The following GOLGA8A variants were observed in gnomAD, a reference collection of about 807,000 sequenced individuals.
GOLGA8A encodes the protein golgin A8 family member A.
A neutral mutation model predicts 22.1 loss-of-function variants in GOLGA8A; 3 were observed. The ratio of observed to expected loss-of-function variants is 0.14; its 90% CI spans 0.06 to 0.35. GOLGA8A has a LOEUF of 0.35. Ranked by LOEUF, GOLGA8A falls within the 10% of genes least tolerant of loss-of-function variation. GOLGA8A has a pLI of 1.00. For missense variants in GOLGA8A, 16 were observed against 233.2 expected (o/e 0.07, Z 6.07); for synonymous variants, 7 against 91.7 (o/e 0.08, Z 5.28).
At chr15:34,418,015 G>A (rs1468256974) in intron 2 of GOLGA8A, 3 of 135,230 alleles carry the variant, frequency 2.2e-5, no homozygotes, top group Non-Finnish European at 4.7e-5. Context: ...AGAAACCCTG[G>A]TTTAAATAAA....
chr15:34,380,712 C>T lies in GOLGA8A; in HGVS notation c.*699G>A, dbSNP rs572093224. ...ACAGTACACTGCTCATTCTTGGCAC[C>T]GGAACAGATGAAACACACTGTATCC... On this transcript the variant is annotated 3_prime_UTR_variant, in exon 25 of 25. Coordinates refer to ENST00000359187, the MANE Select transcript of GOLGA8A (RefSeq NM_181077.5). 13 of 161,000 alleles carry T rather than the reference C, an allele frequency of 8.1e-5. No individual in the cohort carries two copies. In the East Asian group the frequency reaches 1.7e-3, roughly 21 times the overall value. The allele number at this position is 161,000 out of a possible 1,614,324, so 10.0% of individuals were successfully genotyped here. A position where few individuals can be genotyped will look rare whatever the true frequency, so the allele number is the denominator to read the frequency against.
intron 2 of GOLGA8A, among the ~76,000 whole-genome samples, chr15:34,432,562 G>C (rs897057867): frequency 6.7e-6 from 1 of 149,232 alleles, no homozygotes; most frequent in Non-Finnish European, 1.5e-5. Flanking sequence ...GATAAACAAA[G>C]AGGGATGGAA....
chr15:34,428,713 G>C (rs1306095740), intron 2 of GOLGA8A: 3 of 147,456 alleles, frequency 2.0e-5, no homozygotes, highest in African/African-American at 7.5e-5. Context: ...ACCTGAAAGG[G>C]GAAGAGGGCC....
In GOLGA8A at chr15:34,380,144, TTTG is replaced by T. The variant is rs1376371080; in HGVS notation, c.*1264_*1266del. 4 of 152,336 alleles carry T rather than the reference TTTG, an allele frequency of 2.6e-5. No individual in the cohort carries two copies. Among genetic ancestry groups the T allele is most frequent in the African/African-American group, 9.6e-5 (4 of 41,466 alleles). The allele number at this position is 152,336 out of a possible 1,614,324, so 9.4% of individuals were successfully genotyped here. On this transcript the variant is annotated 3_prime_UTR_variant, in exon 25 of 25. Coordinates refer to ENST00000359187, the MANE Select transcript of GOLGA8A (RefSeq NM_181077.5). ...TCACATATATTAGTTTATAATAATG[TTTG>T]TTATTACTTTCTAAAGTGTTTTCCA...
chr15:34,422,813 TTCCTGC>T lies in GOLGA8A; in HGVS notation c.-1123+12564_-1123+12569del, dbSNP rs1170807975. Among the ~76,000 whole-genome samples, 3 of 111,780 alleles carry T rather than the reference TTCCTGC, an allele frequency of 2.7e-5. 1 individual carries two copies. The highest frequency in any genetic ancestry group is 8.1e-5 in the African/African-American group (3 of 36,980). 73.3% of individuals were successfully genotyped at this position (111,780 alleles called of 152,430 possible). A position where few individuals can be genotyped will look rare whatever the true frequency, so the allele number is the denominator to read the frequency against. On this transcript the variant is annotated intron_variant, in intron 2 of 24. Transcript: ENST00000359187. ...GGAGCCAGCTCTGTCCACAGTGCTC[TTCCTGC>T]TCCTGCTCCTGGCCAACCCTCCAAC...
At chr15:34,429,263 G>C (rs900374366) in intron 2 of GOLGA8A, among the ~76,000 whole-genome samples, 4 of 146,602 alleles carry the variant, frequency 2.7e-5, no homozygotes, top group African/African-American at 1.0e-4. Context: ...TGTTGTTATT[G>C]GCCCACCTAC....
intron 2 of GOLGA8A, among the ~76,000 whole-genome samples, chr15:34,431,312 CATATATATATATATATATATATATATATA>C (rs780759416): frequency 0.3 from 13,836 of 45,752 alleles, 1,793 homozygotes; most frequent in East Asian, 0.56. Context: ...TATATATATA[CATATATATATATATATATATATATATATA>C]TATATCTCAC....
At chr15:34,434,808 C>T (rs1377219900) in intron 2 of GOLGA8A, among the ~76,000 whole-genome samples, 2 of 149,522 alleles carry the variant, frequency 1.3e-5, no homozygotes, top group Admixed American at 1.3e-4. Flanking sequence ...ACCTGTGCCT[C>T]CACGTCCCCA....
intron 2 of GOLGA8A, among the ~76,000 whole-genome samples, chr15:34,433,639 C>A (rs1893356146): frequency 6.7e-6 from 1 of 148,962 alleles, no homozygotes; most frequent in Non-Finnish European, 1.5e-5. Flanking sequence ...AAAGGAGGCA[C>A]AGGCAGCAGG....
At chr15:34,393,912 C>CA (rs1891860547) in intron 8 of GOLGA8A, among the ~76,000 whole-genome samples, 2 of 71,580 alleles carry the variant, frequency 2.8e-5, no homozygotes, top group Admixed American at 2.8e-4. Flanking sequence ...TAAAAAAAAG[C>CA]AATATAATTT....
intron 2 of GOLGA8A, among the ~76,000 whole-genome samples, chr15:34,435,013 C>T (rs1195784629): frequency 6.7e-6 from 1 of 149,450 alleles, no homozygotes; most frequent in Non-Finnish European, 1.5e-5. Context: ...GGCCTCGATC[C>T]CCACCGACCG....
intron 2 of GOLGA8A, among the ~76,000 whole-genome samples, chr15:34,433,774 C>A (rs1274192453): frequency 6.7e-6 from 1 of 149,662 alleles, no homozygotes; most frequent in African/African-American, 2.5e-5. Context: ...TGAACAAAGT[C>A]TTTTACAATT....
In GOLGA8A at chr15:34,433,509, C is replaced by T. The variant is rs116733415; in HGVS notation, c.-1123+1874G>A. ...CGTTCTCCTCTGGCCTATGTGAAAC[C>T]GACGTTGCACTGTACAACTCTGAAG... is the stretch of plus-strand genomic sequence containing the variant. On this transcript the variant is annotated intron_variant, in intron 2 of 24. Coordinates refer to ENST00000359187, the MANE Select transcript of GOLGA8A (RefSeq NM_181077.5). 9.4e-5 allele frequency among the ~76,000 whole-genome samples: 14 copies of T among 149,114 alleles called. 3 individuals are homozygous for T. The highest frequency in any genetic ancestry group is 2.0e-4 in the East Asian group (1 of 5,106).
At chr15:34,406,544 AAAAC>A (rs1331442434) in intron 4 of GOLGA8A, 126 bp downstream of exon 4, 3 of 70,510 alleles carry the variant, frequency 4.3e-5, no homozygotes, top group African/African-American at 5.7e-5. Context: ...TAAAGCCACA[AAAAC>A]AAACAAACAA....
chr15:34,431,420 G>A (rs1167992650), intron 2 of GOLGA8A, among the ~76,000 whole-genome samples: 2 of 144,658 alleles, frequency 1.4e-5, no homozygotes, highest in African/African-American at 2.6e-5. Flanking sequence ...ACACTCATGC[G>A]TCACTTAACG....
At chr15:34,437,176 G>A (rs930871225) in intron 1 of GOLGA8A, among the ~76,000 whole-genome samples, 2 of 147,460 alleles carry the variant, frequency 1.4e-5, no homozygotes, top group South Asian at 2.2e-4. Flanking sequence ...CCCATCGTGG[G>A]AGGAGGATGG....
At chr15:34,422,113 AC>A in intron 2 of GOLGA8A, among the ~76,000 whole-genome samples, 1 of 71,590 alleles carries the variant, frequency 1.4e-5, no homozygotes, top group East Asian at 3.5e-4. Context: ...CTCTGACATC[AC>A]CCCACCCCGC....
At chr15:34,399,263 T>C (rs979717723) in intron 6 of GOLGA8A, 60 bp from the exon 7 acceptor site, 4 of 128,048 alleles carry the variant, frequency 3.1e-5, no homozygotes, top group African/African-American at 1.1e-4. Flanking sequence ...GCTTAAACAA[T>C]TTCTACATGC....
At chr15:34,386,056 C>G (rs62017541) in intron 12 of GOLGA8A, among the ~76,000 whole-genome samples, 22,836 of 140,688 alleles carry the variant, frequency 0.16, 589 homozygotes, top group Admixed American at 0.21. Context: ...CCCCCTTCTG[C>G]CAGCTTGTGA....
Sources: gnomAD v4.1 joint callset for allele counts (sites outside exome capture counted in the v4.1 genomes callset) on GRCh38, gnomAD v4.1.1 for gene constraint, MANE v1.5 for transcripts, NCBI Gene and HGNC (gene_info 2026-07-23, HGNC 2026-07-21) for gene names.